CA4: variants seen among roughly 807,000 people sequenced by gnomAD.
The protein encoded by CA4 is CA-IV.
CA4 carries 24 observed loss-of-function variants against 34.5 expected under a neutral mutation model. The ratio of observed to expected loss-of-function variants is 0.70; its 90% CI spans 0.50 to 0.98. The LOEUF (loss-of-function observed/expected upper bound fraction) is 0.98. CA4 is among the 50% of genes least tolerant of loss of function. The pLI, the probability that CA4 is intolerant of heterozygous loss-of-function variation, is 0.00. For synonymous variants in CA4, 178 were observed against 170.6 expected (o/e 1.04, Z -0.34); for missense variants, 394 against 396.7 (o/e 0.99, Z 0.06).
At chr17:60,175,883 C>T (rs1396608136), downstream of CA4, among the ~76,000 whole-genome samples, 1 of 146,712 alleles carries the variant, frequency 6.8e-6, no homozygotes, top group Non-Finnish European at 1.5e-5. Flanking sequence ...ATGGCGTGAT[C>T]TCAGCTCACT....
Position 60,159,366 on chromosome 17 carries a change from CCCTGCCTGCCCTGCTGGGCCCCATGCTGG to C in CA4, c.891_919del (p.Leu298GlyfsTer39), listed in dbSNP as rs1297399364. Reference sequence around the variant, plus strand: ...GCCCCGGGTCGGCCGCTGCCCTGGGCCCTGCCTGCCCTGCTGGGCCCCATGCTGGCCTGCCTGCTGGCCGGCTTCCTGCG... The same window carrying C: ...GCCCCGGGTCGGCCGCTGCCCTGGGCCCTGCCTGCTGGCCGGCTTCCTGCG... On this transcript the variant is annotated frameshift_variant, in exon 8 of 8. Transcript: ENST00000300900. LOFTEE classifies it low-confidence loss of function (END_TRUNC). 3 of 1,611,748 alleles carry C rather than the reference CCCTGCCTGCCCTGCTGGGCCCCATGCTGG, an allele frequency of 1.9e-6. No homozygotes were observed. Among genetic ancestry groups the C allele is most frequent in the African/African-American group, 1.3e-5 (1 of 74,908 alleles).
intron 1 of CA4, among the ~76,000 whole-genome samples, chr17:60,154,126 A>G (rs1189091534): frequency 3.9e-5 from 6 of 151,964 alleles, no homozygotes; most frequent in Non-Finnish European, 8.8e-5. Flanking sequence ...CTGAGTGGGA[A>G]CCGTGCTTTT....
chr17:60,173,169 A>C (rs1017749342), downstream of CA4, among the ~76,000 whole-genome samples: 12 of 151,892 alleles, frequency 7.9e-5, no homozygotes, highest in African/African-American at 2.4e-4. Context: ...AACAAACAAA[A>C]AAACTAAAAT....
rs1408607801 is a variant in CA4, at chr17:60,158,352, A to G, written c.650A>G (p.Tyr217Cys). The G allele has an allele frequency of 6.2e-7, 1 of 1,614,138 alleles. No individual in the cohort carries two copies. Among genetic ancestry groups the G allele is most frequent in the Admixed American group, 1.7e-5 (1 of 60,016 alleles). ...LLPKEEKLRH[Y>C]FRYLGSLTTP... ...CCCAAGGAGGAGAAACTGAGGCACT[A>G]CTTCCGCTACCTGGGCTCACTCACC... The change falls in exon 7 of 8, where the codon TAC (tyrosine) becomes TGC (cysteine). Residue 217 changes from tyrosine to cysteine, a missense_variant. Tyr to Cys is a radical substitution (Grantham distance 194). Coordinates refer to ENST00000300900, the MANE Select transcript of CA4 (RefSeq NM_000717.5).
chr17:60,172,900 T>C (rs2083923835), downstream of CA4, among the ~76,000 whole-genome samples: 1 of 149,218 alleles, frequency 6.7e-6, no homozygotes, highest in Admixed American at 6.7e-5. Flanking sequence ...TCCCAGCACT[T>C]TGGGAGGCCG....
downstream of CA4, among the ~76,000 whole-genome samples, chr17:60,160,904 G>A (rs1421234965): frequency 7.2e-6 from 1 of 138,788 alleles, no homozygotes; most frequent in East Asian, 2.5e-4. Flanking sequence ...GCAGGGAGGA[G>A]TAGAGGGAGG....
At chr17:60,152,438 G>A (rs1349546195) in intron 1 of CA4, among the ~76,000 whole-genome samples, 2 of 152,232 alleles carry the variant, frequency 1.3e-5, no homozygotes, top group Non-Finnish European at 2.9e-5. Context: ...CAGGTCAAAA[G>A]TCTCCATGAT....
rs745993113 is a variant in CA4 at position 60,157,545 on chromosome 17, C to A, written c.387C>A (p.Ser129Arg). The A allele has an allele frequency of 1.2e-6, 2 of 1,614,214 alleles. No individual in the cohort carries two copies. Among genetic ancestry groups the A allele is most frequent in the South Asian group, 1.1e-5 (1 of 91,090 alleles). ...SDLPYKGSEH[S>R]LDGEHFAMEM... ...TGCCATATAAGGGCTCGGAGCACAGCCTCGATGGGGAGCACTTTGCCATGG... is the reference window on the plus strand; with the variant it reads ...TGCCATATAAGGGCTCGGAGCACAGACTCGATGGGGAGCACTTTGCCATGG... Residue 129 changes from serine to arginine, a missense_variant, in exon 4 of 8, where the codon AGC (serine) becomes AGA (arginine). Ser to Arg is a moderately radical substitution (Grantham distance 110). Coordinates refer to ENST00000300900, the MANE Select transcript of CA4 (RefSeq NM_000717.5).
chr17:60,160,011 A>G (rs1204478984), downstream of CA4, among the ~76,000 whole-genome samples: 2 of 152,166 alleles, frequency 1.3e-5, no homozygotes, highest in Non-Finnish European at 2.9e-5. Context: ...GTGGTGGTGC[A>G]CACCTGTAGT....
intron 1 of CA4, among the ~76,000 whole-genome samples, chr17:60,154,791 G>A (rs979203586): frequency 1.3e-5 from 2 of 152,226 alleles, no homozygotes; most frequent in African/African-American, 2.4e-5. Context: ...CGCTAGCCAA[G>A]AAGGGATCTT....
chr17:60,150,654 TAAAAAAAAAAAAAA>T (rs66850461), intron 1 of CA4, among the ~76,000 whole-genome samples: 1,586 of 33,930 alleles, frequency 0.047, 84 homozygotes, highest in African/African-American at 0.11. Flanking sequence ...GTGCTCCGTT[TAAAAAAAAAAAAAA>T]AAAAAAAAAA....
downstream of CA4, among the ~76,000 whole-genome samples, chr17:60,171,430 C>T (rs1204008134): frequency 6.6e-6 from 1 of 152,208 alleles, no homozygotes; most frequent in Non-Finnish European, 1.5e-5. Context: ...CCGGGCACTC[C>T]CTGTGGCTTC....
At chr17:60,156,750 A>G (rs767967107) in intron 3 of CA4, 35 bp downstream of exon 3, 2 of 1,598,868 alleles carry the variant, frequency 1.3e-6, no homozygotes, top group Non-Finnish European at 1.7e-6. Context: ...AGGCCTGGGC[A>G]CCCGAGTTCC....
At chr17:60,161,011 G>T (rs971676932), downstream of CA4, among the ~76,000 whole-genome samples, 2 of 152,006 alleles carry the variant, frequency 1.3e-5, no homozygotes, top group East Asian at 1.9e-4. Context: ...AAGGCAGAAC[G>T]CAGGGACAGT....
chr17:60,167,556 G>A (rs2083867986), intron 5 of CA4, among the ~76,000 whole-genome samples: 1 of 152,196 alleles, frequency 6.6e-6, no homozygotes, highest in African/African-American at 2.4e-5. Context: ...AAAAATGATA[G>A]CAAAGAATGG....
downstream of CA4, among the ~76,000 whole-genome samples, chr17:60,171,787 A>C (rs1444220370): frequency 6.6e-6 from 1 of 152,208 alleles, no homozygotes; most frequent in East Asian, 1.9e-4. Context: ...GGCTGGAAGA[A>C]AGGGTCGGGT....
chr17:60,153,206 T>C (rs923358214), intron 1 of CA4, among the ~76,000 whole-genome samples: 7 of 152,042 alleles, frequency 4.6e-5, no homozygotes, highest in Non-Finnish European at 1.0e-4. Flanking sequence ...GGCATGGTGG[T>C]ACATGCCTGT....
At chr17:60,157,293 C>T (rs1416944548) in intron 3 of CA4, 134 bp from the exon 4 acceptor site, 1 of 1,012,524 alleles carries the variant, frequency 9.9e-7, no homozygotes, top group Non-Finnish European at 1.5e-6. Flanking sequence ...CCGCGCCACC[C>T]CTGCAGGCCA....
chr17:60,172,713 G>A (rs2083921626), downstream of CA4, among the ~76,000 whole-genome samples: 1 of 151,864 alleles, frequency 6.6e-6, no homozygotes, highest in East Asian at 1.9e-4. Flanking sequence ...GTGTGGTGGC[G>A]TGCGGCTGCA....
Sources: allele counts gnomAD v4.1 joint callset (sites outside exome capture counted in the v4.1 genomes callset), GRCh38; gene constraint gnomAD v4.1.1; transcripts MANE v1.5; gene names NCBI Gene and HGNC (gene_info 2026-07-23, HGNC 2026-07-21).